The following THSD7B variants were observed in gnomAD, a reference collection of about 807,000 sequenced individuals.
THSD7B encodes the protein thrombospondin type-1 domain-containing protein 7B.
THSD7B carries 138 observed loss-of-function variants against 213.6 expected under a neutral mutation model. That is an observed-to-expected ratio of 0.65 (90% CI 0.56 to 0.74). The LOEUF is 0.74. Among genes scored for constraint, THSD7B ranks in the 30% least tolerant of loss-of-function variants. THSD7B has a pLI of 0.00. For synonymous variants in THSD7B, 742 were observed against 687.0 expected (o/e 1.08, Z -1.25); for missense variants, 1,931 against 1,991.5 (o/e 0.97, Z 0.58).
intron 1 of THSD7B, among the ~76,000 whole-genome samples, chr2:136,807,309 A>G (rs1271259338): frequency 6.6e-6 from 1 of 151,962 alleles, no homozygotes; most frequent in Non-Finnish European, 1.5e-5. Context: ...ATTTATTCAA[A>G]TATTTATTCA....
intron 17 of THSD7B, among the ~76,000 whole-genome samples, chr2:137,578,950 G>C (rs960092022): frequency 1.3e-5 from 2 of 152,124 alleles, no homozygotes; most frequent in Admixed American, 6.6e-5. Flanking sequence ...TGCATAATTA[G>C]AGCCCTGGAA....
intron 4 of THSD7B, among the ~76,000 whole-genome samples, chr2:137,102,870 A>C (rs1479005149): frequency 6.6e-6 from 1 of 152,204 alleles, no homozygotes; most frequent in Middle Eastern, 3.2e-3. Flanking sequence ...AAAGCCTCCA[A>C]GAACCATGGA....
Position 137,656,832 on chromosome 2 carries a change from C to A in THSD7B, c.4142C>A (p.Thr1381Lys), listed in dbSNP as rs1043013300. 1.3e-5 allele frequency: 21 copies of A among 1,613,828 alleles called. No individual in the cohort carries two copies. Among genetic ancestry groups the A allele is most frequent in the Non-Finnish European group, 1.7e-5 (20 of 1,179,896 alleles). Residue 1381 changes from threonine to lysine, a missense_variant, in exon 23 of 28, where the codon ACA (threonine) becomes AAA (lysine). By Grantham distance (78) the Thr-to-Lys change is moderately conservative. Transcript: ENST00000409968. ...TTAACAGAATGGTCAGAGTGGAGCA[C>A]ATGTGAATTAACCTGCATTGATGGA... The part of the protein sequence containing the change: ...CHLTEWSEWS[T>K]CELTCIDGRS...
chr2:136,998,909 G>C (rs1305993717), intron 2 of THSD7B, among the ~76,000 whole-genome samples: 41 of 129,930 alleles, frequency 3.2e-4, no homozygotes, highest in African/African-American at 3.4e-4. Context: ...ATACCCAACA[G>C]ACACACACAC....
At chr2:137,038,931 G>C (rs1012538897) in intron 2 of THSD7B, among the ~76,000 whole-genome samples, 2 of 150,218 alleles carry the variant, frequency 1.3e-5, no homozygotes, top group Non-Finnish European at 2.9e-5. Context: ...CCAAAGTCTA[G>C]AGGTTTTTTT....
At chr2:137,261,119 A>G (rs1682435840) in intron 10 of THSD7B, among the ~76,000 whole-genome samples, 1 of 151,950 alleles carries the variant, frequency 6.6e-6, no homozygotes, top group Admixed American at 6.6e-5. Context: ...GGCCCTTACT[A>G]GGCTTTAAGC....
intron 7 of THSD7B, among the ~76,000 whole-genome samples, chr2:137,212,431 T>C (rs1681134530): frequency 1.3e-5 from 2 of 152,118 alleles, no homozygotes; most frequent in Non-Finnish European, 2.9e-5. Flanking sequence ...GATTTGGGAA[T>C]GCTTGAAAAT....
chr2:136,952,185 G>C (rs1685048575), intron 2 of THSD7B, among the ~76,000 whole-genome samples: 1 of 151,904 alleles, frequency 6.6e-6, no homozygotes, highest in Non-Finnish European at 1.5e-5. Flanking sequence ...TATTAAATGT[G>C]TTTTAAATGA....
intron 14 of THSD7B, among the ~76,000 whole-genome samples, chr2:137,420,520 C>G (rs574674434): frequency 3.3e-5 from 5 of 152,228 alleles, no homozygotes; most frequent in African/African-American, 1.2e-4. Context: ...TATACATTCT[C>G]GGTCCTATAC....
At chr2:136,950,258 A>AAAAAAT (rs145650223) in intron 2 of THSD7B, among the ~76,000 whole-genome samples, 1 of 151,834 alleles carries the variant, frequency 6.6e-6, no homozygotes, top group Admixed American at 6.6e-5. Context: ...TCTCAGAAGA[A>AAAAAAT]AAAAATAAAA....
chr2:136,845,945 C>T (rs954495932), intron 1 of THSD7B, among the ~76,000 whole-genome samples: 3 of 152,144 alleles, frequency 2.0e-5, no homozygotes, highest in Non-Finnish European at 4.4e-5. Flanking sequence ...GGATCATTCC[C>T]GTGACTGGCC....
chr2:137,607,991 C>G (rs1682216025), intron 17 of THSD7B, among the ~76,000 whole-genome samples: 1 of 152,156 alleles, frequency 6.6e-6, no homozygotes, highest in South Asian at 2.1e-4. Context: ...CAAAGTCTTA[C>G]CAGGAATGTT....
intron 2 of THSD7B, among the ~76,000 whole-genome samples, chr2:136,924,623 G>C (rs1684491491): frequency 1.1e-4 from 16 of 151,932 alleles, no homozygotes; most frequent in Admixed American, 1.0e-3. Flanking sequence ...ATGAGGCCTT[G>C]GCCTTATTTT....
intron 14 of THSD7B, among the ~76,000 whole-genome samples, chr2:137,412,375 C>G (rs577438304): frequency 6.6e-6 from 1 of 151,718 alleles, no homozygotes. Flanking sequence ...CCGAGGCAGG[C>G]GGATCACCTG....
chr2:137,311,264 G>A (rs1376954517), intron 12 of THSD7B, among the ~76,000 whole-genome samples: 1 of 151,330 alleles, frequency 6.6e-6, no homozygotes, highest in East Asian at 1.9e-4. Flanking sequence ...TCTCTTTGAA[G>A]CAATTGTGAA....
chr2:137,134,428 C>T (rs184445737), intron 5 of THSD7B, among the ~76,000 whole-genome samples: 315 of 152,152 alleles, frequency 2.1e-3, no homozygotes, highest in African/African-American at 7.0e-3. Flanking sequence ...TTCTTGGGGA[C>T]GAAAGGGGTA....
intron 12 of THSD7B, among the ~76,000 whole-genome samples, chr2:137,276,723 A>G (rs1308595472): frequency 6.6e-6 from 1 of 152,024 alleles, no homozygotes; most frequent in Non-Finnish European, 1.5e-5. Flanking sequence ...TCAAAACCTG[A>G]CCACTTTCTC....
chr2:137,477,497 A>T (rs867816544), intron 15 of THSD7B, among the ~76,000 whole-genome samples: 11 of 151,776 alleles, frequency 7.2e-5, no homozygotes, highest in Middle Eastern at 3.4e-3. Context: ...TAATTTATTT[A>T]TACTCATGAT....
intron 3 of THSD7B, among the ~76,000 whole-genome samples, chr2:137,094,005 A>T (rs943389784): frequency 6.6e-6 from 1 of 152,222 alleles, no homozygotes; most frequent in African/African-American, 2.4e-5. Context: ...AGAGCCTAAC[A>T]ATATGAGGAA....
Sources: gnomAD v4.1 joint callset for allele counts (sites outside exome capture counted in the v4.1 genomes callset) on GRCh38, gnomAD v4.1.1 for gene constraint, MANE v1.5 for transcripts, NCBI Gene and HGNC (gene_info 2026-07-23, HGNC 2026-07-21) for gene names.